The following IL15 variants were observed in gnomAD, a reference collection of about 807,000 sequenced individuals.
IL15 encodes the protein interleukin 15.
IL15 carries 11 observed loss-of-function variants against 19.6 expected under a neutral mutation model. The observed-to-expected ratio is 0.56, with a 90% confidence interval of 0.35 to 0.93. The LOEUF is 0.93. Among genes scored for constraint, IL15 ranks in the 40% least tolerant of loss-of-function variants. The pLI is 0.01. For synonymous variants in IL15, 58 were observed against 59.6 expected, an observed-to-expected ratio of 0.97 and a Z score of 0.12; for missense variants, 197 against 186.5, an observed-to-expected ratio of 1.06 and a Z score of -0.33.
chr4:141,732,687 T>TATTTA (rs1158137916), intron 7 of IL15, 51 bp from the exon 8 acceptor site: 1 of 1,592,940 alleles, frequency 6.3e-7, no homozygotes, highest in African/African-American at 1.4e-5. Flanking sequence ...CATGAATGTA[T>TATTTA]ATTTAATTTA....
chr4:141,721,472 T>TA (rs999514721), intron 4 of IL15: 11 of 576,620 alleles, frequency 1.9e-5, no homozygotes, highest in South Asian at 6.2e-5. Flanking sequence ...TAATGTAGTG[T>TA]AAAAAAAATT....
chr4:141,728,994 A>T (rs916008503), intron 6 of IL15, among the ~76,000 whole-genome samples: 1 of 152,060 alleles, frequency 6.6e-6, no homozygotes, highest in East Asian at 1.9e-4. Flanking sequence ...ACCACTTTTT[A>T]CTTGTGTTAC....
intron 2 of IL15, among the ~76,000 whole-genome samples, chr4:141,706,853 G>C (rs1406750766): frequency 4.6e-5 from 7 of 152,046 alleles, no homozygotes; most frequent in Admixed American, 1.3e-4. Flanking sequence ...GTCTTTGACT[G>C]CTGACAGTTT....
intron 2 of IL15, among the ~76,000 whole-genome samples, chr4:141,695,196 T>C (rs892866295): frequency 6.6e-6 from 1 of 151,404 alleles, no homozygotes; most frequent in Admixed American, 6.6e-5. Context: ...TTTAACTTTA[T>C]ACTCTTTGGC....
intron 2 of IL15, among the ~76,000 whole-genome samples, chr4:141,688,096 T>C (rs1262935222): frequency 6.6e-6 from 1 of 151,956 alleles, no homozygotes; most frequent in Non-Finnish European, 1.5e-5. Context: ...TTAATAGGAG[T>C]GGAGTAGGGT....
At chr4:141,638,252 G>A (rs1240385048) in intron 1 of IL15, among the ~76,000 whole-genome samples, 1 of 152,174 alleles carries the variant, frequency 6.6e-6, no homozygotes, top group East Asian at 1.9e-4. Context: ...TGAAGAAAAA[G>A]CTAGTTTTGC....
chr4:141,702,364 T>C (rs1195508683), intron 2 of IL15, among the ~76,000 whole-genome samples: 2 of 152,218 alleles, frequency 1.3e-5, no homozygotes, highest in African/African-American at 4.8e-5. Flanking sequence ...GACTCTGGGC[T>C]GGTGATGGAG....
At chr4:141,678,601 G>A (rs1728431505) in intron 2 of IL15, among the ~76,000 whole-genome samples, 2 of 123,996 alleles carry the variant, frequency 1.6e-5, no homozygotes, top group African/African-American at 6.3e-5. Flanking sequence ...GTGTGATTTC[G>A]TTGATTTTTT....
intron 2 of IL15, among the ~76,000 whole-genome samples, chr4:141,700,355 A>C (rs1729242479): frequency 6.6e-6 from 1 of 152,146 alleles, no homozygotes; most frequent in Admixed American, 6.5e-5. Flanking sequence ...TCTGAAAAAT[A>C]CTTTCCCTCT....
rs143268924 is a variant in IL15 at position 141,732,587 on chromosome 4, G to A, written c.379-151G>A. ...TCAAATCTCCCTGTTCTCTTTCCTC[G>A]TAGTTCTTCCTAATATGCTATTTAT... On this transcript the variant is annotated intron_variant, in intron 7 of 7. Coordinates refer to ENST00000320650, the MANE Select transcript of IL15 (RefSeq NM_000585.5). The A allele has an allele frequency of 1.5e-4, 153 of 996,220 alleles. 1 individual carries two copies. Among genetic ancestry groups the A allele is most frequent in the Admixed American group, 4.9e-4 (15 of 30,372 alleles). The allele number at this position is 996,220 out of a possible 1,614,324, so 61.7% of individuals were successfully genotyped here. A position where few individuals can be genotyped will look rare whatever the true frequency, so the allele number is the denominator to read the frequency against.
intron 1 of IL15, among the ~76,000 whole-genome samples, chr4:141,653,962 T>A (rs1045473154): frequency 5.3e-5 from 8 of 152,224 alleles, no homozygotes; most frequent in African/African-American, 1.9e-4. Flanking sequence ...TTAAAAGAAA[T>A]CTTGCAATAA....
At chr4:141,725,108 G>A (rs1296644496) in intron 5 of IL15, among the ~76,000 whole-genome samples, 1 of 152,108 alleles carries the variant, frequency 6.6e-6, no homozygotes, top group Non-Finnish European at 1.5e-5. Context: ...GACCGAGTGA[G>A]ATTTATTTCA....
chr4:141,677,694 T>G (rs1728393156), intron 2 of IL15, among the ~76,000 whole-genome samples: 1 of 152,190 alleles, frequency 6.6e-6, no homozygotes, highest in African/African-American at 2.4e-5. Context: ...TGTTGAAACC[T>G]TCTTATGATT....
intron 6 of IL15, among the ~76,000 whole-genome samples, chr4:141,728,716 C>A (rs1470427125): frequency 6.6e-6 from 1 of 152,082 alleles, no homozygotes; most frequent in African/African-American, 2.4e-5. Flanking sequence ...TGGAAAGAAA[C>A]CATAGTCAGA....
At chr4:141,686,382 G>C (rs1350669045) in intron 2 of IL15, among the ~76,000 whole-genome samples, 8 of 151,938 alleles carry the variant, frequency 5.3e-5, no homozygotes, top group Non-Finnish European at 7.4e-5. Context: ...TAAATGAAAG[G>C]CTGCATATCA....
intron 2 of IL15, among the ~76,000 whole-genome samples, chr4:141,670,879 A>G (rs1728150210): frequency 1.3e-5 from 2 of 152,200 alleles, no homozygotes; most frequent in South Asian, 4.1e-4. Flanking sequence ...TAACATATCT[A>G]AGTACTAATT....
chr4:141,648,533 C>A (rs191125408), intron 1 of IL15, among the ~76,000 whole-genome samples: 4 of 151,746 alleles, frequency 2.6e-5, no homozygotes. Context: ...AATAGTATTG[C>A]GGAAGTTTAA....
chr4:141,699,399 A>C (rs973756632), intron 2 of IL15, among the ~76,000 whole-genome samples: 1 of 152,142 alleles, frequency 6.6e-6, no homozygotes, highest in Non-Finnish European at 1.5e-5. Flanking sequence ...TTCTAACTTC[A>C]TGATCGACCT....
At chr4:141,686,516 C>G (rs925364532) in intron 2 of IL15, among the ~76,000 whole-genome samples, 3 of 152,118 alleles carry the variant, frequency 2.0e-5, no homozygotes, top group African/African-American at 7.2e-5. Flanking sequence ...TCACCTTTGA[C>G]GAGTTCCTTA....
Sources: allele counts gnomAD v4.1 joint callset (sites outside exome capture counted in the v4.1 genomes callset), GRCh38; gene constraint gnomAD v4.1.1; transcripts MANE v1.5; gene names NCBI Gene and HGNC (gene_info 2026-07-23, HGNC 2026-07-21).